TMEM132D: variants seen among roughly 807,000 people sequenced by gnomAD.
The protein encoded by TMEM132D is transmembrane protein 132D, also known as mature OL transmembrane protein.
A neutral mutation model predicts 62.3 loss-of-function variants in TMEM132D; 21 were observed. The observed-to-expected ratio is 0.34, with a 90% confidence interval of 0.24 to 0.49. The LOEUF (loss-of-function observed/expected upper bound fraction) is 0.49. Ranked by LOEUF, TMEM132D falls within the 20% of genes least tolerant of loss-of-function variation. The pLI is 0.99. For synonymous variants in TMEM132D, 621 were observed against 575.6 expected (o/e 1.08, Z -1.13); for missense variants, 1,346 against 1,402.8 (o/e 0.96, Z 0.65).
chr12:129,796,214 A>C (rs1871556490), intron 1 of TMEM132D, among the ~76,000 whole-genome samples: 1 of 152,130 alleles, frequency 6.6e-6, no homozygotes, highest in South Asian at 2.1e-4. Flanking sequence ...AAATTAAAGG[A>C]AAACATCATA....
At chr12:129,206,594 A>G (rs1413794894) in intron 5 of TMEM132D, among the ~76,000 whole-genome samples, 1 of 152,232 alleles carries the variant, frequency 6.6e-6, no homozygotes, top group Non-Finnish European at 1.5e-5. Context: ...CAGCAATCCT[A>G]TTATTGGGTA....
At chr12:129,418,616 G>A (rs1016614236) in intron 3 of TMEM132D, among the ~76,000 whole-genome samples, 16 of 152,074 alleles carry the variant, frequency 1.1e-4, no homozygotes. Context: ...TGCATGTGGG[G>A]CTTAAAACCT....
intron 2 of TMEM132D, among the ~76,000 whole-genome samples, chr12:129,610,292 A>T (rs2137150587): frequency 6.6e-6 from 1 of 152,058 alleles, no homozygotes; most frequent in Admixed American, 6.5e-5. Flanking sequence ...AAAAAAAAAA[A>T]AAGAGAGACA....
At chr12:129,859,172 A>G (rs1328026199) in intron 1 of TMEM132D, among the ~76,000 whole-genome samples, 1 of 152,200 alleles carries the variant, frequency 6.6e-6, no homozygotes, top group Non-Finnish European at 1.5e-5. Flanking sequence ...ACCAGAAACC[A>G]GGTTCCCAGC....
At chr12:129,829,578 G>A (rs546260016) in intron 1 of TMEM132D, among the ~76,000 whole-genome samples, 2 of 152,062 alleles carry the variant, frequency 1.3e-5, no homozygotes, top group Non-Finnish European at 2.9e-5. Context: ...GCCACTCCTG[G>A]GACAGTCTCC....
chr12:129,275,550 G>A (rs1880980852), intron 4 of TMEM132D, among the ~76,000 whole-genome samples: 1 of 152,178 alleles, frequency 6.6e-6, no homozygotes, highest in Admixed American at 6.5e-5. Flanking sequence ...CATATCCCCT[G>A]GAGCTGAGAC....
chr12:129,864,029 T>C (rs34694643), intron 1 of TMEM132D, among the ~76,000 whole-genome samples: 13,032 of 152,246 alleles, frequency 0.086, 627 homozygotes, highest in South Asian at 0.13. Flanking sequence ...ACCTGCTAGT[T>C]CACTTCTAAA....
intron 2 of TMEM132D, among the ~76,000 whole-genome samples, chr12:129,601,152 C>T (rs1046881820): frequency 1.3e-5 from 2 of 152,218 alleles, no homozygotes; most frequent in African/African-American, 4.8e-5. Context: ...ACCCTTGCTA[C>T]TTTGCCTTGC....
chr12:129,777,239 G>A (rs1870968016), intron 1 of TMEM132D, among the ~76,000 whole-genome samples: 1 of 152,208 alleles, frequency 6.6e-6, no homozygotes, highest in African/African-American at 2.4e-5. Flanking sequence ...AGGAGGTGCC[G>A]AGAATTAGGG....
chr12:129,149,298 G>A (rs1477456670), intron 5 of TMEM132D, among the ~76,000 whole-genome samples: 2 of 152,040 alleles, frequency 1.3e-5, no homozygotes, highest in Non-Finnish European at 2.9e-5. Context: ...AAACCTAGAT[G>A]ACGGGTTGAT....
intron 4 of TMEM132D, among the ~76,000 whole-genome samples, chr12:129,283,363 T>C (rs1881206198): frequency 6.6e-6 from 1 of 152,166 alleles, no homozygotes. Context: ...AGCTAATTGT[T>C]GTATTTTTAG....
intron 4 of TMEM132D, among the ~76,000 whole-genome samples, chr12:129,235,196 T>G (rs116397318): frequency 0.015 from 2,342 of 152,342 alleles, 63 homozygotes; most frequent in African/African-American, 0.054. Context: ...TCATCCTTTA[T>G]AAATTGCAGT....
chr12:129,353,504 C>T (rs944473304), intron 3 of TMEM132D, among the ~76,000 whole-genome samples: 7 of 152,028 alleles, frequency 4.6e-5, no homozygotes, highest in Non-Finnish European at 1.0e-4. Context: ...TCCTCCACAT[C>T]GCTGAGTCAA....
intron 5 of TMEM132D, among the ~76,000 whole-genome samples, chr12:129,207,542 A>G (rs1878890515): frequency 6.6e-6 from 1 of 152,172 alleles, no homozygotes; most frequent in South Asian, 2.1e-4. Context: ...AGGGAGCCGT[A>G]CAGGCATCCA....
At chr12:129,320,573 G>A (rs368661120) in intron 4 of TMEM132D, among the ~76,000 whole-genome samples, 1 of 152,178 alleles carries the variant, frequency 6.6e-6, no homozygotes, top group Non-Finnish European at 1.5e-5. Flanking sequence ...GCTAGGTTTT[G>A]TTTGCCATGT....
At chr12:129,521,895 A>G (rs1344141243) in intron 3 of TMEM132D, 1 of 146,686 alleles carries the variant, frequency 6.8e-6, no homozygotes, top group African/African-American at 2.5e-5. Context: ...TAAAAACTTC[A>G]TGCAAATGGG....
intron 1 of TMEM132D, among the ~76,000 whole-genome samples, chr12:129,886,934 T>A (rs1818474): frequency 2.0e-5 from 3 of 152,080 alleles, no homozygotes; most frequent in Admixed American, 6.5e-5. Flanking sequence ...TGTTTACTTC[T>A]CCTTCCACCA....
chr12:129,601,205 A>C (rs996670237), intron 2 of TMEM132D, among the ~76,000 whole-genome samples: 5 of 152,194 alleles, frequency 3.3e-5, no homozygotes, highest in Non-Finnish European at 7.3e-5. Context: ...AAATCTCATG[A>C]AACAACCTCT....
chr12:129,538,144 A>G (rs1876456635), intron 2 of TMEM132D, among the ~76,000 whole-genome samples: 1 of 152,244 alleles, frequency 6.6e-6, no homozygotes, highest in Non-Finnish European at 1.5e-5. Context: ...TATCTTCAGA[A>G]TGAATGAATG....
Sources: gnomAD v4.1 joint callset for allele counts (sites outside exome capture counted in the v4.1 genomes callset) on GRCh38, gnomAD v4.1.1 for gene constraint, MANE v1.5 for transcripts, NCBI Gene and HGNC (gene_info 2026-07-23, HGNC 2026-07-21) for gene names.